ARHGAP28: variants seen among roughly 807,000 people sequenced by gnomAD.
ARHGAP28 encodes the protein rho GTPase-activating protein 28.
ARHGAP28 carries 56 observed loss-of-function variants against 90.7 expected under a neutral mutation model. That is an observed-to-expected ratio of 0.62 (90% confidence interval 0.50 to 0.77). ARHGAP28 has a LOEUF of 0.77. ARHGAP28 is among the 30% of genes least tolerant of loss of function. The pLI is 0.00. For missense variants in ARHGAP28, 869 were observed against 900.9 expected (o/e 0.96, Z 0.45); for synonymous variants, 308 against 323.3 (o/e 0.95, Z 0.51).
chr18:6,877,772 A>G (rs530373610), intron 10 of ARHGAP28, among the ~76,000 whole-genome samples: 53 of 152,330 alleles, frequency 3.5e-4, no homozygotes, highest in Non-Finnish European at 6.9e-4. Context: ...TTCTAAAAAA[A>G]TGTATCCTAC....
rs374485208 is a variant in ARHGAP28, at chr18:6,870,457, C to T, written c.812-133C>T. 3.3e-5 allele frequency: 30 copies of T among 901,746 alleles called. No individual in the cohort carries two copies. The East Asian group carries it at 6.7e-4, about 20-fold the overall frequency. The allele number at this position is 901,746 out of a possible 1,614,324, so 55.9% of individuals were successfully genotyped here. On this transcript the variant is annotated intron_variant, in intron 6 of 17. Coordinates refer to ENST00000383472, the MANE Select transcript of ARHGAP28 (RefSeq NM_001366230.1). ...TGAACTCCTCGGGGTGAGTCTGCTGCTTTTCCTCGCATATAAACACTGTAA... is the reference window on the plus strand; with the variant it reads ...TGAACTCCTCGGGGTGAGTCTGCTGTTTTTCCTCGCATATAAACACTGTAA...
rs1467843366 is a variant in ARHGAP28 at position 6,824,757 on chromosome 18, C to T, written c.123-5C>T. On this transcript the variant is annotated splice_polypyrimidine_tract_variant and splice_region_variant and intron_variant, in intron 1 of 17. Coordinates refer to ENST00000383472, the MANE Select transcript of ARHGAP28 (RefSeq NM_001366230.1). The stretch of plus-strand genomic sequence containing the variant: ...TTTTATTCATAGATATTATTCTTTC[C>T]TCAGAAAATCCATTCCTCGCTGCCG... 1.3e-6 allele frequency: 2 copies of T among 1,530,002 alleles called. No individual in the cohort carries two copies. Among genetic ancestry groups the T allele is most frequent in the Non-Finnish European group, 1.7e-6 (2 of 1,144,950 alleles). The allele number at this position is 1,530,002 out of a possible 1,614,324, so 94.8% of individuals were successfully genotyped here.
At chr18:6,778,180 C>G (rs2056299415) in intron 1 of ARHGAP28, among the ~76,000 whole-genome samples, 1 of 152,186 alleles carries the variant, frequency 6.6e-6, no homozygotes, top group Non-Finnish European at 1.5e-5. Context: ...TTAGCTGTAT[C>G]AACCTTTCTC....
intron 1 of ARHGAP28, among the ~76,000 whole-genome samples, chr18:6,759,961 A>T (rs982516421): frequency 2.0e-5 from 3 of 152,222 alleles, no homozygotes; most frequent in African/African-American, 7.2e-5. Context: ...GGAGAGGGAC[A>T]TCAAATTGTA....
chr18:6,891,961 G>A (rs1194011506), intron 14 of ARHGAP28, among the ~76,000 whole-genome samples: 2 of 152,126 alleles, frequency 1.3e-5, no homozygotes, highest in East Asian at 3.9e-4. Context: ...GAAAAGGACA[G>A]TAAATGCCAA....
intron 7 of ARHGAP28, among the ~76,000 whole-genome samples, chr18:6,871,704 G>T (rs1425347005): frequency 6.6e-6 from 1 of 152,102 alleles, no homozygotes; most frequent in African/African-American, 2.4e-5. Context: ...GATGAGCAGG[G>T]CCCAGGCAGT....
At chr18:6,742,096 T>A (rs949086275) in intron 1 of ARHGAP28, among the ~76,000 whole-genome samples, 10 of 152,142 alleles carry the variant, frequency 6.6e-5, no homozygotes, top group Non-Finnish European at 1.2e-4. Flanking sequence ...TAAGTTGGTA[T>A]AATTTGGTGA....
chr18:6,890,415 A>G lies in ARHGAP28; in HGVS notation c.1735-15A>G. 1 of 1,546,548 alleles carries G rather than the reference A, an allele frequency of 6.5e-7. No homozygotes were observed. Among genetic ancestry groups the G allele is most frequent in the Middle Eastern group, 1.7e-4 (1 of 5,888 alleles). ...AAGTGTTTTCCATCCAGTCCAAGCT[A>G]TTTTTCTTCTCCAGGTTCCATCTTT... On this transcript the variant is annotated splice_polypyrimidine_tract_variant and intron_variant, in intron 13 of 17. Transcript: ENST00000383472.
Position 6,837,270 on chromosome 18 carries a change from T to G in ARHGAP28, c.399T>G (p.Asp133Glu). 6.2e-7 allele frequency: 1 copy of G among 1,606,304 alleles called. No individual in the cohort carries two copies. Among genetic ancestry groups the G allele is most frequent in the Non-Finnish European group, 8.5e-7 (1 of 1,176,798 alleles). Residue 133 changes from aspartate to glutamate, a missense_variant, in exon 3 of 18, where the codon GAT (aspartate) becomes GAG (glutamate). Coordinates refer to ENST00000383472, the MANE Select transcript of ARHGAP28 (RefSeq NM_001366230.1). ...TGATCTCAGGTGATGAAGAGGAAGATGGCAAAGCCTTGCTCTCCACATTGA... is the reference window on the plus strand; with the variant it reads ...TGATCTCAGGTGATGAAGAGGAAGAGGGCAAAGCCTTGCTCTCCACATTGA... ...STLISGDEEEDGKALLSTLTR... is the reference protein window; with the variant it reads ...STLISGDEEEEGKALLSTLTR...
chr18:6,828,294 G>A (rs780001652), intron 2 of ARHGAP28, among the ~76,000 whole-genome samples: 2 of 152,146 alleles, frequency 1.3e-5, no homozygotes, highest in Non-Finnish European at 2.9e-5. Flanking sequence ...GAGCCGAGAT[G>A]GCAGCAGTAC....
intron 3 of ARHGAP28, among the ~76,000 whole-genome samples, chr18:6,846,102 G>C (rs1400802937): frequency 6.6e-6 from 1 of 152,178 alleles, no homozygotes; most frequent in Non-Finnish European, 1.5e-5. Context: ...AAGGACGGGG[G>C]TTTGCTGACA....
In ARHGAP28 at chr18:6,824,866, C is replaced by A; in HGVS notation, c.227C>A (p.Ala76Asp). The A allele has an allele frequency of 5.9e-6, 9 of 1,536,360 alleles. No homozygotes were observed. Among genetic ancestry groups the A allele is most frequent in the South Asian group, 1.2e-5 (1 of 84,058 alleles). ...AACTCAGAAGCCTCCGTAGACAGCG[C>A]CTCCATGGAGGATTTCTGGCGGGAA... is the stretch of plus-strand genomic sequence containing the variant. Reference protein sequence around the residue: ...RSNSEASVDSASMEDFWREIE... With the variant: ...RSNSEASVDSDSMEDFWREIE... Residue 76 changes from alanine (A) to aspartate (D), a missense_variant, in exon 2 of 18, where the codon GCC becomes GAC. Ala to Asp is a moderately radical substitution (Grantham distance 126). Transcript: ENST00000383472.
chr18:6,824,708 T>A (rs2056649560), intron 1 of ARHGAP28, 54 bp from the exon 2 acceptor site: 2 of 1,420,968 alleles, frequency 1.4e-6, no homozygotes. Flanking sequence ...TTTTGTGGCT[T>A]TATAACATAA....
chr18:6,859,718 C>A, intron 4 of ARHGAP28, 90 bp from the exon 5 acceptor site: 1 of 1,253,676 alleles, frequency 8.0e-7, no homozygotes, highest in South Asian at 1.3e-5. Context: ...TATTGCCACA[C>A]ATATCTCAGT....
chr18:6,736,781 T>G (rs1175723288), intron 1 of ARHGAP28, among the ~76,000 whole-genome samples: 2 of 148,478 alleles, frequency 1.3e-5, no homozygotes, highest in Admixed American at 6.7e-5. Context: ...AGTTGCTAAA[T>G]TAAATGCTGT....
At chr18:6,809,832 C>T (rs9962102) in intron 1 of ARHGAP28, among the ~76,000 whole-genome samples, 2,934 of 152,166 alleles carry the variant, frequency 0.019, 94 homozygotes, top group African/African-American at 0.067. Context: ...AGGGCTAGGC[C>T]TTTTTGTTCA....
chr18:6,752,783 C>T (rs1483288926), intron 1 of ARHGAP28, among the ~76,000 whole-genome samples: 3 of 152,098 alleles, frequency 2.0e-5, no homozygotes, highest in African/African-American at 4.8e-5. Context: ...CCTTTTGTTC[C>T]GCTCAGCACT....
intron 1 of ARHGAP28, among the ~76,000 whole-genome samples, chr18:6,767,758 C>G (rs2056210863): frequency 6.6e-6 from 1 of 152,136 alleles, no homozygotes; most frequent in Non-Finnish European, 1.5e-5. Context: ...CTCTTTATCT[C>G]TGTTTTTCAG....
At chr18:6,847,047 A>G (rs561873684) in intron 3 of ARHGAP28, among the ~76,000 whole-genome samples, 2 of 152,280 alleles carry the variant, frequency 1.3e-5, no homozygotes, top group South Asian at 4.1e-4. Context: ...TGGCTCCCAC[A>G]GGAGGAGGTG....
Sources: gnomAD v4.1 joint callset for allele counts (sites outside exome capture counted in the v4.1 genomes callset) on GRCh38, gnomAD v4.1.1 for gene constraint, MANE v1.5 for transcripts, NCBI Gene and HGNC (gene_info 2026-07-23, HGNC 2026-07-21) for gene names.